The following SMIM14 variants were observed in gnomAD, a reference collection of about 807,000 sequenced individuals.
The protein encoded by SMIM14 is chromosome 4 open reading frame 34.
A neutral mutation model predicts 12.6 loss-of-function variants in SMIM14; 5 were observed. The ratio of observed to expected loss-of-function variants is 0.40; its 90% CI spans 0.21 to 0.83. The LOEUF (loss-of-function observed/expected upper bound fraction) is 0.83, where lower values mean the gene tolerates loss of function less well. Among genes scored for constraint, SMIM14 ranks in the 40% least tolerant of loss-of-function variants. SMIM14 has a pLI of 0.37. For missense variants in SMIM14, 86 were observed against 119.1 expected, an observed-to-expected ratio of 0.72 and a Z score of 1.29; for synonymous variants, 30 against 40.1, an observed-to-expected ratio of 0.75 and a Z score of 0.95.
At chr4:39,612,043 C>T (rs1171380909) in intron 1 of SMIM14, 4 of 151,578 alleles carry the variant, frequency 2.6e-5, no homozygotes, top group African/African-American at 9.7e-5. Flanking sequence ...GGCTCACTTT[C>T]CAGAAGGTAA....
intron 1 of SMIM14, among the ~76,000 whole-genome samples, chr4:39,619,305 T>C (rs1396586281): frequency 2.0e-4 from 14 of 69,516 alleles, no homozygotes; most frequent in African/African-American, 8.2e-4. Context: ...TAATTTATTC[T>C]ATATATCAAT....
At chr4:39,608,167 A>T (rs1297732469) in intron 1 of SMIM14, among the ~76,000 whole-genome samples, 1 of 152,234 alleles carries the variant, frequency 6.6e-6, no homozygotes, top group Non-Finnish European at 1.5e-5. Context: ...TATATACCTA[A>T]GAGATTTGAA....
At chr4:39,576,672 ATATATATATATATTTTTTTTTTT>A (rs1713194185) in intron 2 of SMIM14, among the ~76,000 whole-genome samples, 1 of 29,102 alleles carries the variant, frequency 3.4e-5, no homozygotes, top group Non-Finnish European at 7.8e-5. Context: ...ATATATATAT[ATATATATATATATTTTTTTTTTT>A]TTTTTTTTTT....
intron 2 of SMIM14, among the ~76,000 whole-genome samples, chr4:39,585,459 G>C (rs1229868754): frequency 6.6e-6 from 1 of 151,960 alleles, no homozygotes; most frequent in East Asian, 1.9e-4. Flanking sequence ...ACCATGCCCA[G>C]CTAATTTTTG....
At chr4:39,564,950 G>T (rs375724039) in intron 3 of SMIM14, among the ~76,000 whole-genome samples, 1 of 152,122 alleles carries the variant, frequency 6.6e-6, no homozygotes, top group Non-Finnish European at 1.5e-5. Context: ...GGTGGCTCAC[G>T]CCTGTAATCC....
intron 1 of SMIM14, among the ~76,000 whole-genome samples, chr4:39,613,242 T>C (rs1462544263): frequency 6.6e-6 from 1 of 152,182 alleles, no homozygotes; most frequent in Admixed American, 6.5e-5. Flanking sequence ...ATGTTTATTT[T>C]CTCTACATCT....
intron 1 of SMIM14, among the ~76,000 whole-genome samples, chr4:39,606,814 A>C (rs1432855105): frequency 6.6e-6 from 1 of 152,148 alleles, no homozygotes; most frequent in Admixed American, 6.6e-5. Flanking sequence ...GGTATCCCTA[A>C]GTTGGGGAGA....
intron 1 of SMIM14, among the ~76,000 whole-genome samples, chr4:39,634,534 A>C (rs924203264): frequency 7.9e-5 from 12 of 152,228 alleles, no homozygotes; most frequent in African/African-American, 2.2e-4. Context: ...AACATGTAAC[A>C]GTAATTTTTA....
intron 3 of SMIM14, among the ~76,000 whole-genome samples, chr4:39,569,395 ATTACC>A (rs1712747701): frequency 6.6e-6 from 1 of 152,178 alleles, no homozygotes; most frequent in Admixed American, 6.5e-5. Flanking sequence ...TCTCTTTACA[ATTACC>A]TTACTGCGTC....
intron 2 of SMIM14, among the ~76,000 whole-genome samples, chr4:39,573,680 T>C (rs1290495027): frequency 1.3e-5 from 2 of 152,146 alleles, no homozygotes; most frequent in African/African-American, 2.4e-5. Context: ...TTTCTTCTCA[T>C]TGAAAATTAG....
intron 3 of SMIM14, among the ~76,000 whole-genome samples, chr4:39,557,124 G>A (rs747726433): frequency 2.0e-4 from 30 of 149,428 alleles, no homozygotes; most frequent in Admixed American, 5.4e-4. Context: ...AAGCAATTCT[G>A]CCTCAGCCTC....
chr4:39,603,871 C>A (rs1231280019), intron 2 of SMIM14, among the ~76,000 whole-genome samples: 1 of 151,884 alleles, frequency 6.6e-6, no homozygotes, highest in Non-Finnish European at 1.5e-5. Flanking sequence ...ATTAGCTGGG[C>A]ATGGTGGTGC....
chr4:39,555,188 A>AC (rs1711948299), intron 4 of SMIM14, among the ~76,000 whole-genome samples: 1 of 151,764 alleles, frequency 6.6e-6, no homozygotes, highest in African/African-American at 2.4e-5. Flanking sequence ...TAAAAAAAAA[A>AC]CATAAATACT....
chr4:39,600,695 AAAAAC>A (rs1283189995), intron 2 of SMIM14, among the ~76,000 whole-genome samples: 3 of 151,918 alleles, frequency 2.0e-5, no homozygotes, highest in Non-Finnish European at 4.4e-5. Flanking sequence ...CATCTCAAGA[AAAAAC>A]AAAACAAAAC....
At chr4:39,599,792 C>G (rs1232625289) in intron 2 of SMIM14, among the ~76,000 whole-genome samples, 1 of 151,890 alleles carries the variant, frequency 6.6e-6, no homozygotes, top group Non-Finnish European at 1.5e-5. Flanking sequence ...CATGGTAGCG[C>G]GCACCTATAG....
intron 3 of SMIM14, among the ~76,000 whole-genome samples, chr4:39,568,164 G>A (rs898397767): frequency 3.3e-5 from 5 of 151,564 alleles, no homozygotes; most frequent in East Asian, 2.0e-4. Flanking sequence ...CTGTAATCCT[G>A]GCTACTTGGG....
chr4:39,620,306 C>T (rs1715435628), intron 1 of SMIM14, among the ~76,000 whole-genome samples: 2 of 151,890 alleles, frequency 1.3e-5, no homozygotes, highest in African/African-American at 4.8e-5. Flanking sequence ...GCTGAAACCC[C>T]GTCTCTACTA....
intron 2 of SMIM14, among the ~76,000 whole-genome samples, chr4:39,597,084 CCTTTTTTTTTTT>C (rs1350025650): frequency 2.3e-4 from 31 of 133,258 alleles, no homozygotes; most frequent in African/African-American, 8.5e-4. Context: ...CCCAGGTTTC[CCTTTTTTTTTTT>C]TTTTTTTTTT....
chr4:39,636,981 A>C (rs1477682030), intron 1 of SMIM14, among the ~76,000 whole-genome samples: 1 of 152,230 alleles, frequency 6.6e-6, no homozygotes, highest in African/African-American at 2.4e-5. Context: ...ATAAGGGGGC[A>C]CTACTGTGTA....
Sources: allele counts gnomAD v4.1 joint callset (sites outside exome capture counted in the v4.1 genomes callset), GRCh38; gene constraint gnomAD v4.1.1; transcripts MANE v1.5; gene names NCBI Gene and HGNC (gene_info 2026-07-23, HGNC 2026-07-21).